DLGAP2: variants seen among roughly 807,000 people sequenced by gnomAD.
The protein encoded by DLGAP2 is disks large-associated protein 2.
In DLGAP2, 26 loss-of-function variants were observed where a neutral mutation model predicts 100.3. That is an observed-to-expected ratio of 0.26 (90% CI 0.19 to 0.36). The LOEUF is 0.36. Among genes scored for constraint, DLGAP2 ranks in the 10% least tolerant of loss-of-function variants. The pLI, the probability that DLGAP2 is intolerant of heterozygous loss-of-function variation, is 1.00. For synonymous variants in DLGAP2, 886 were observed against 630.1 expected (o/e 1.41, Z -6.08); for missense variants, 1,858 against 1,453.2 (o/e 1.28, Z -4.53).
At position 1,465,548 on chromosome 8, in the gene DLGAP2, G is replaced by A. The variant is rs182053024; in HGVS notation, c.107-35818G>A. On this transcript the variant is annotated intron_variant, in intron 3 of 14. Coordinates refer to ENST00000637795, the MANE Select transcript of DLGAP2 (RefSeq NM_001346810.2). ...CAGGTGAAGAGATGAGCAAGGGAAG[G>A]GGCATGGAGTTTCTGTGCCTCCCAG... 1.9e-3 allele frequency among the ~76,000 whole-genome samples: 288 copies of A among 152,324 alleles called. 3 individuals carry two copies. Among genetic ancestry groups the A allele is most frequent in the South Asian group, 8.1e-3 (39 of 4,826 alleles).
Position 1,703,314 on chromosome 8 carries a change from C to T in DLGAP2, c.*1908C>T, listed in dbSNP as rs994721158. The T allele has an allele frequency of 1.3e-5, 2 of 151,038 alleles. No homozygotes were observed. Among genetic ancestry groups the T allele is most frequent in the African/African-American group, 5.0e-5 (2 of 40,374 alleles). The allele number at this position is 151,038 out of a possible 1,614,324, so 9.4% of individuals were successfully genotyped here. A position where few individuals can be genotyped will look rare whatever the true frequency, so the allele number is the denominator to read the frequency against. On this transcript the variant is annotated 3_prime_UTR_variant, in exon 15 of 15. Coordinates refer to ENST00000637795, the MANE Select transcript of DLGAP2 (RefSeq NM_001346810.2). ...TTGAAAAATGCAAAAAAAAAAAAATCCCTGAAATATTCTTCTATAAATGAA... is the reference window on the plus strand; with the variant it reads ...TTGAAAAATGCAAAAAAAAAAAAATTCCTGAAATATTCTTCTATAAATGAA...
intron 13 of DLGAP2, among the ~76,000 whole-genome samples, chr8:1,695,334 C>CTGG: frequency 7.1e-6 from 1 of 141,548 alleles, no homozygotes; most frequent in African/African-American, 2.9e-5. Context: ...ACAGCCATGC[C>CTGG]CGGCCCTACA....
intron 2 of DLGAP2, among the ~76,000 whole-genome samples, chr8:987,535 C>G (rs1186438720): frequency 6.6e-6 from 1 of 152,178 alleles, no homozygotes. Flanking sequence ...ATTTTCCAGC[C>G]TCTGTTGTTG....
At chr8:1,062,608 C>T (rs1045497845) in intron 2 of DLGAP2, among the ~76,000 whole-genome samples, 1 of 152,198 alleles carries the variant, frequency 6.6e-6, no homozygotes, top group South Asian at 2.1e-4. Context: ...TCCCAATAGC[C>T]GCTTTCCCTC....
intron 1 of DLGAP2, among the ~76,000 whole-genome samples, chr8:875,408 C>G (rs1229703992): frequency 2.0e-5 from 3 of 152,158 alleles, no homozygotes; most frequent in African/African-American, 7.2e-5. Context: ...GTAATTGAAT[C>G]ATGGCGGCAG....
intron 3 of DLGAP2, among the ~76,000 whole-genome samples, chr8:1,416,235 G>A (rs1364752609): frequency 1.3e-5 from 2 of 152,112 alleles, no homozygotes; most frequent in South Asian, 2.1e-4. Flanking sequence ...GATGATTCCA[G>A]CGTCCATACA....
chr8:1,519,909 C>T (rs1243019562), intron 4 of DLGAP2, among the ~76,000 whole-genome samples: 13 of 152,204 alleles, frequency 8.5e-5, no homozygotes, highest in Non-Finnish European at 1.8e-4. Flanking sequence ...ACCAAAGGGG[C>T]GTGGCTGGGT....
rs183845923 is a variant in DLGAP2, at chr8:1,408,878, A to G, written c.107-92488A>G. Among the ~76,000 whole-genome samples the G allele has an allele frequency of 7.6e-4, 115 of 152,296 alleles. 1 individual carries two copies. The highest frequency in any genetic ancestry group is 2.7e-3 in the African/African-American group (113 of 41,560). ...CAGGGCACAGAGAAGAAAGCTGGGC[A>G]GTGGTGGTCCATGATGCCTGTCTGC... is the stretch of plus-strand genomic sequence containing the variant. On this transcript the variant is annotated intron_variant, in intron 3 of 14. Coordinates refer to ENST00000637795, the MANE Select transcript of DLGAP2 (RefSeq NM_001346810.2).
chr8:1,157,868 A>G (rs1453245148), intron 2 of DLGAP2, among the ~76,000 whole-genome samples: 1 of 152,178 alleles, frequency 6.6e-6, no homozygotes, highest in Non-Finnish European at 1.5e-5. Flanking sequence ...GCGCTATCTC[A>G]GATGCTGCCG....
chr8:1,607,337 G>A (rs1796832851), intron 6 of DLGAP2, among the ~76,000 whole-genome samples: 1 of 152,068 alleles, frequency 6.6e-6, no homozygotes, highest in Admixed American at 6.5e-5. Flanking sequence ...TGGATATACT[G>A]ACACCCATAT....
chr8:1,055,565 A>G (rs1314230824), intron 2 of DLGAP2, among the ~76,000 whole-genome samples: 1 of 152,178 alleles, frequency 6.6e-6, no homozygotes, highest in East Asian at 1.9e-4. Context: ...GGCCCTACTA[A>G]TGTTTTCCAT....
intron 14 of DLGAP2, among the ~76,000 whole-genome samples, chr8:1,697,711 A>T (rs968005181): frequency 6.6e-6 from 1 of 152,236 alleles, no homozygotes; most frequent in African/African-American, 2.4e-5. Context: ...AGGCCTGGTT[A>T]TGGACTATCT....
intron 2 of DLGAP2, among the ~76,000 whole-genome samples, chr8:940,559 G>A: frequency 6.6e-6 from 1 of 152,254 alleles, no homozygotes; most frequent in South Asian, 2.1e-4. Flanking sequence ...TGCGGTCAGA[G>A]GCTCTGGGTC....
intron 1 of DLGAP2, among the ~76,000 whole-genome samples, chr8:817,427 G>T (rs1274959851): frequency 1.3e-5 from 2 of 152,178 alleles, no homozygotes; most frequent in African/African-American, 2.4e-5. Flanking sequence ...CTGCGTCCTT[G>T]ATTAGCTTAA....
In DLGAP2 at chr8:818,266, G is replaced by A. The variant is rs560184657; in HGVS notation, c.18+80441G>A. On this transcript the variant is annotated intron_variant, in intron 1 of 14. Transcript: ENST00000637795. ...CTGCCTCTGCTGAGTCACACAGGTC[G>A]CTAGGGAAGTGGGGGAAAGCTGTCA... is the stretch of plus-strand genomic sequence containing the variant. Among the ~76,000 whole-genome samples, 10 of 152,230 alleles carry A rather than the reference G, an allele frequency of 6.6e-5. No individual in the cohort carries two copies. In the East Asian group the frequency reaches 9.7e-4, roughly 15 times the overall value.
intron 3 of DLGAP2, among the ~76,000 whole-genome samples, chr8:1,353,299 G>T (rs1227313862): frequency 6.6e-6 from 1 of 152,222 alleles, no homozygotes; most frequent in East Asian, 1.9e-4. Context: ...CTGGCTCACA[G>T]CAGTGCGATA....
At chr8:1,137,143 C>T (rs1231705863) in intron 2 of DLGAP2, among the ~76,000 whole-genome samples, 4 of 152,144 alleles carry the variant, frequency 2.6e-5, no homozygotes, top group Non-Finnish European at 5.9e-5. Context: ...GCAGCGTGGC[C>T]TCCTCCTTGT....
rs115137419 is a variant in DLGAP2 at position 1,670,502 on chromosome 8, G to C, written c.2202+718G>C. Among the ~76,000 whole-genome samples the C allele has an allele frequency of 8.2e-3, 1,254 of 152,324 alleles. 20 individuals are homozygous for C. Among genetic ancestry groups the C allele is most frequent in the African/African-American group, 0.029 (1,188 of 41,586 alleles). ...ACCCCAGCCCCACACACTGTGTCCT[G>C]TGAGAGGGAACTGCACCCCCAGCCT... is the stretch of plus-strand genomic sequence containing the variant. On this transcript the variant is annotated intron_variant, in intron 10 of 14. Coordinates refer to ENST00000637795, the MANE Select transcript of DLGAP2 (RefSeq NM_001346810.2).
intron 2 of DLGAP2, among the ~76,000 whole-genome samples, chr8:934,568 A>G (rs529229144): frequency 4.2e-4 from 64 of 152,182 alleles, no homozygotes; most frequent in African/African-American, 1.3e-3. Context: ...GGGGGTGGAG[A>G]GGAAGCGAGT....
Sources: allele counts gnomAD v4.1 joint callset (sites outside exome capture counted in the v4.1 genomes callset), GRCh38; gene constraint gnomAD v4.1.1; transcripts MANE v1.5; gene names NCBI Gene and HGNC (gene_info 2026-07-23, HGNC 2026-07-21).